Variants in TTC7B observed in about 807,000 individuals in gnomAD.
The protein encoded by TTC7B is tetratricopeptide repeat domain 7B, also known as tetratricopeptide repeat protein 7B.
In TTC7B, 28 loss-of-function variants were observed where a neutral mutation model predicts 106.8. That is an observed-to-expected ratio of 0.26 (90% CI 0.19 to 0.36). The LOEUF (loss-of-function observed/expected upper bound fraction) is 0.36, where lower values mean the gene tolerates loss of function less well. Among genes scored for constraint, TTC7B ranks in the 10% least tolerant of loss-of-function variants. The pLI is 1.00. For synonymous variants in TTC7B, 405 were observed against 430.6 expected, an observed-to-expected ratio of 0.94 and a Z score of 0.74; for missense variants, 862 against 1,076.4, an observed-to-expected ratio of 0.80 and a Z score of 2.79.
Position 90,655,120 on chromosome 14 carries a change from G to T in TTC7B, c.1342-10C>A. The stretch of plus-strand genomic sequence containing the variant: ...TTTCAGCCTCTTCCAACTGAAAAAT[G>T]AGACAAGTTAAAAACAACAACAACC... On this transcript the variant is annotated splice_polypyrimidine_tract_variant and intron_variant, in intron 11 of 19. Transcript: ENST00000328459. 6.2e-7 allele frequency: 1 copy of T among 1,601,730 alleles called. No homozygotes were observed. The highest frequency in any genetic ancestry group is 1.1e-5 in the South Asian group (1 of 90,860).
At chr14:90,741,602 C>T (rs1321551477) in intron 4 of TTC7B, among the ~76,000 whole-genome samples, 3 of 152,110 alleles carry the variant, frequency 2.0e-5, no homozygotes, top group African/African-American at 7.2e-5. Flanking sequence ...AGATTCCATC[C>T]CCTTTTCTGT....
At chr14:90,733,128 C>T (rs1451590507) in intron 4 of TTC7B, among the ~76,000 whole-genome samples, 1 of 152,148 alleles carries the variant, frequency 6.6e-6, no homozygotes, top group African/African-American at 2.4e-5. Context: ...CAAGGCCAAT[C>T]ATAAATGCAG....
intron 1 of TTC7B, among the ~76,000 whole-genome samples, chr14:90,813,427 G>A: frequency 6.6e-6 from 1 of 152,170 alleles, no homozygotes; most frequent in East Asian, 1.9e-4. Flanking sequence ...CTAAAACAGT[G>A]GCTAGCACAG....
At chr14:90,784,138 T>C (rs968849796) in intron 2 of TTC7B, among the ~76,000 whole-genome samples, 3 of 150,292 alleles carry the variant, frequency 2.0e-5, no homozygotes, top group Non-Finnish European at 4.4e-5. Flanking sequence ...TGGCCATCAC[T>C]GTGAGCTGTG....
intron 17 of TTC7B, among the ~76,000 whole-genome samples, chr14:90,596,885 G>A (rs1892228233): frequency 6.6e-6 from 1 of 152,148 alleles, no homozygotes; most frequent in Admixed American, 6.5e-5. Flanking sequence ...AAATTCAGAA[G>A]AGGGCGGCCC....
intron 1 of TTC7B, among the ~76,000 whole-genome samples, chr14:90,806,750 T>C (rs953135834): frequency 2.6e-5 from 4 of 151,794 alleles, no homozygotes; most frequent in African/African-American, 7.3e-5. Flanking sequence ...CTACAAAAAA[T>C]ACAAAAATCA....
At chr14:90,629,298 T>C (rs1884587833) in intron 15 of TTC7B, among the ~76,000 whole-genome samples, 1 of 152,236 alleles carries the variant, frequency 6.6e-6, no homozygotes, top group African/African-American at 2.4e-5. Context: ...ATGCAACCAT[T>C]ACAAATGAAC....
chr14:90,734,932 C>T (rs962094725), intron 4 of TTC7B, among the ~76,000 whole-genome samples: 49 of 151,998 alleles, frequency 3.2e-4, no homozygotes, highest in African/African-American at 1.2e-3. Context: ...TACAGGCATG[C>T]GCCACCACGC....
chr14:90,553,208 C>T (rs542384032), intron 19 of TTC7B, among the ~76,000 whole-genome samples: 4 of 152,204 alleles, frequency 2.6e-5, no homozygotes, highest in African/African-American at 9.6e-5. Flanking sequence ...TCTGCTCACC[C>T]GGAACAGCTG....
intron 17 of TTC7B, among the ~76,000 whole-genome samples, chr14:90,601,147 TTTAA>T (rs1892408290): frequency 1.3e-5 from 2 of 152,224 alleles, no homozygotes; most frequent in Admixed American, 1.3e-4. Context: ...TTAAATTTAG[TTTAA>T]TTAAAATAGC....
intron 3 of TTC7B, among the ~76,000 whole-genome samples, chr14:90,779,343 G>C (rs1440124205): frequency 6.6e-6 from 1 of 151,936 alleles, no homozygotes; most frequent in East Asian, 1.9e-4. Context: ...CGCTCTTGTC[G>C]CACAGGCTGG....
intron 16 of TTC7B, 78 bp from the exon 17 acceptor site, chr14:90,610,917 C>T (rs1892846610): frequency 5.4e-6 from 5 of 930,452 alleles, no homozygotes; most frequent in South Asian, 3.9e-5. Flanking sequence ...AATACTGACT[C>T]CTGAAGGCCA....
Position 90,570,349 on chromosome 14 carries a change from C to G in TTC7B, c.2310+7757G>C, listed in dbSNP as rs189074235. 3.3e-5 allele frequency among the ~76,000 whole-genome samples: 5 copies of G among 152,358 alleles called. No homozygotes were observed. The highest frequency in any genetic ancestry group is 3.3e-4 in the Admixed American group (5 of 15,306). On this transcript the variant is annotated intron_variant, in intron 19 of 19. Transcript: ENST00000328459. This position sits in a 1 kb window ranked among gnomAD's most constrained non-coding sequence, Gnocchi z 4.0. The stretch of plus-strand genomic sequence containing the variant: ...AGCAAAGGCTGTGCCAAGGCCAAGC[C>G]AGCAAACACTCAAAGCCTCTGCACC...
At chr14:90,643,636 G>A (rs950077625) in intron 15 of TTC7B, among the ~76,000 whole-genome samples, 3 of 152,094 alleles carry the variant, frequency 2.0e-5, no homozygotes, top group Non-Finnish European at 4.4e-5. Context: ...GGAATGCAGT[G>A]CAGGGGTACA....
chr14:90,719,580 C>T (rs1195150640), intron 5 of TTC7B, among the ~76,000 whole-genome samples: 2 of 152,194 alleles, frequency 1.3e-5, no homozygotes, highest in Non-Finnish European at 2.9e-5. Flanking sequence ...CAATGTGAGT[C>T]TCATTCCCTA....
chr14:90,653,663 G>A (rs906079451), intron 12 of TTC7B, among the ~76,000 whole-genome samples: 4 of 152,190 alleles, frequency 2.6e-5, no homozygotes, highest in Admixed American at 6.5e-5. Context: ...ATTACCTAAC[G>A]CCTCCAACAT....
chr14:90,587,897 T>C (rs1891783134), intron 18 of TTC7B, among the ~76,000 whole-genome samples: 1 of 152,264 alleles, frequency 6.6e-6, no homozygotes, highest in Non-Finnish European at 1.5e-5. Context: ...CTGATAGCTG[T>C]GTCTCAGTTT....
chr14:90,599,156 G>A (rs1286465), intron 17 of TTC7B, among the ~76,000 whole-genome samples: 19,881 of 152,072 alleles, frequency 0.13, 1,303 homozygotes, highest in East Asian at 0.22. Flanking sequence ...CAAAAAAAGA[G>A]AAGAAAAAGA....
chr14:90,764,148 A>G (rs1886315744), intron 3 of TTC7B, among the ~76,000 whole-genome samples: 1 of 152,194 alleles, frequency 6.6e-6, no homozygotes, highest in South Asian at 2.1e-4. Context: ...GTCCAGAAAT[A>G]AACACTTACA....
Sources: gnomAD v4.1 joint callset for allele counts (sites outside exome capture counted in the v4.1 genomes callset) on GRCh38, gnomAD v4.1.1 for gene constraint, Gnocchi (gnomAD v3.1) non-coding constraint, MANE v1.5 for transcripts, NCBI Gene and HGNC (gene_info 2026-07-23, HGNC 2026-07-21) for gene names.